Variants in FBRSL1 observed in about 807,000 individuals in gnomAD.
FBRSL1 encodes the protein fibrosin like 1, also known as fibrosin-1-like protein.
In FBRSL1, 51 loss-of-function variants were observed where a neutral mutation model predicts 89.6. The ratio of observed to expected loss-of-function variants is 0.57; its 90% confidence interval spans 0.45 to 0.72. The LOEUF is 0.72. Among genes scored for constraint, FBRSL1 ranks in the 30% least tolerant of loss-of-function variants. FBRSL1 has a pLI of 0.00. For missense variants in FBRSL1, 1,618 were observed against 1,451.8 expected, an observed-to-expected ratio of 1.11 and a Z score of -1.86; for synonymous variants, 779 against 681.1, an observed-to-expected ratio of 1.14 and a Z score of -2.24.
At chr12:132,576,979 G>C in intron 15 of FBRSL1, 48 bp downstream of exon 15, 4 of 1,524,102 alleles carry the variant, frequency 2.6e-6, no homozygotes, top group Non-Finnish European at 3.5e-6. Flanking sequence ...CCTCCCGCTC[G>C]TGCCCAGCTG....
At chr12:132,571,545 G>T in intron 9 of FBRSL1, 2 of 1,424,720 alleles carry the variant, frequency 1.4e-6, no homozygotes, top group Non-Finnish European at 9.2e-7. Context: ...CCGCGTGCTG[G>T]CAGGGGGCGG....
intron 15 of FBRSL1, chr12:132,581,187 A>AGCAG (rs3833799): frequency 0.13 from 130,276 of 985,218 alleles, 9,196 homozygotes; most frequent in African/African-American, 0.26. Context: ...CATCGCACTC[A>AGCAG]GCACCTCCCT....
intron 1 of FBRSL1, among the ~76,000 whole-genome samples, chr12:132,507,609 C>T (rs1178123194): frequency 2.0e-5 from 3 of 152,218 alleles, no homozygotes; most frequent in Admixed American, 1.3e-4. Context: ...AAGGTGAACA[C>T]GGGGAAGCAT....
chr12:132,509,476 C>T, intron 2 of FBRSL1: 1 of 1,240,206 alleles, frequency 8.1e-7, no homozygotes, highest in Non-Finnish European at 1.0e-6. Flanking sequence ...CTCTGCCAGC[C>T]CCAGCGGTCA....
At chr12:132,549,368 G>A (rs1317905826) in intron 5 of FBRSL1, among the ~76,000 whole-genome samples, 1 of 152,132 alleles carries the variant, frequency 6.6e-6, no homozygotes, top group African/African-American at 2.4e-5. Flanking sequence ...CCGGGACCCC[G>A]CGTGGCTCCG....
intron 5 of FBRSL1, among the ~76,000 whole-genome samples, chr12:132,562,669 A>G (rs2039233197): frequency 8.5e-6 from 1 of 118,104 alleles, no homozygotes; most frequent in Admixed American, 9.6e-5. Context: ...TAACACACGA[A>G]CGTGCGGGGC....
rs1187217342 is a variant in FBRSL1 at position 132,546,462 on chromosome 12, C to G, written c.616-1541C>G. The stretch of plus-strand genomic sequence containing the variant: ...CTACCTCTCACCCTGAAGGCCAGAC[C>G]GGGGGAACCCTAGGAGAGGGCTTGG... On this transcript the variant is annotated intron_variant, in intron 4 of 18. Coordinates refer to ENST00000680143, the MANE Select transcript of FBRSL1 (RefSeq NM_001367871.1). This position sits in a 1 kb window ranked among gnomAD's most constrained non-coding sequence, Gnocchi z 4.0. Among the ~76,000 whole-genome samples, 1 of 151,980 alleles carries G rather than the reference C, an allele frequency of 6.6e-6. No homozygotes were observed. The highest frequency in any genetic ancestry group is 1.5e-5 in the Non-Finnish European group (1 of 67,966).
intron 2 of FBRSL1, among the ~76,000 whole-genome samples, chr12:132,520,922 A>G (rs1385550947): frequency 6.6e-6 from 1 of 152,228 alleles, no homozygotes; most frequent in Non-Finnish European, 1.5e-5. Flanking sequence ...GCAGGAAACC[A>G]GGACCAGCTG....
At chr12:132,579,111 G>T (rs2040579021) in intron 15 of FBRSL1, among the ~76,000 whole-genome samples, 1 of 151,598 alleles carries the variant, frequency 6.6e-6, no homozygotes, top group African/African-American at 2.4e-5. Context: ...CATTTGTCCT[G>T]CGAGGCTGGG....
chr12:132,510,924 C>A, intron 2 of FBRSL1: 1 of 998,006 alleles, frequency 1.0e-6, no homozygotes, highest in Non-Finnish European at 1.2e-6. Flanking sequence ...CTGTGCGGAG[C>A]GCGTGAGCCT....
At chr12:132,545,666 C>T (rs1165514197) in intron 4 of FBRSL1, among the ~76,000 whole-genome samples, 2 of 152,210 alleles carry the variant, frequency 1.3e-5, no homozygotes, top group Admixed American at 6.5e-5. Flanking sequence ...CCATGGGTCT[C>T]GGGGCCAACC....
At chr12:132,536,567 T>G (rs2036764954) in intron 4 of FBRSL1, among the ~76,000 whole-genome samples, 1 of 151,750 alleles carries the variant, frequency 6.6e-6, no homozygotes, top group Non-Finnish European at 1.5e-5. Context: ...GTGTGTGCCA[T>G]GTGTACATCA....
intron 4 of FBRSL1, 94 bp downstream of exon 4, chr12:132,528,082 C>T (rs1223988119): frequency 3.5e-6 from 4 of 1,143,798 alleles, no homozygotes; most frequent in Non-Finnish European, 5.1e-6. Context: ...CAACTTAGCT[C>T]ACCCCAGTCC....
intron 1 of FBRSL1, among the ~76,000 whole-genome samples, chr12:132,500,785 GA>G (rs771903269): frequency 6.6e-6 from 1 of 152,094 alleles, no homozygotes; most frequent in Admixed American, 6.5e-5. Context: ...GTCCAGCCTG[GA>G]ACAGTCTGTG....
chr12:132,518,673 C>T (rs1214582369), intron 2 of FBRSL1, among the ~76,000 whole-genome samples: 4 of 151,002 alleles, frequency 2.6e-5, no homozygotes, highest in African/African-American at 9.7e-5. Context: ...CATCCATCCA[C>T]CCATCTGTCC....
intron 4 of FBRSL1, among the ~76,000 whole-genome samples, chr12:132,531,494 C>A (rs551355675): frequency 6.6e-6 from 1 of 152,106 alleles, no homozygotes; most frequent in East Asian, 1.9e-4. Flanking sequence ...CTGCATGGGG[C>A]TGTGCGTTGC....
chr12:132,546,540 C>T lies in FBRSL1; in HGVS notation c.616-1463C>T, dbSNP rs1195153812. On this transcript the variant is annotated intron_variant, in intron 4 of 18. Transcript: ENST00000680143. The surrounding 1 kb of genome is among the most constrained non-coding windows in gnomAD (Gnocchi z 4.0). ...ACCCTAGGAGAGGGCTTGGCCACGG[C>T]TGAAAGGCCAGACCGGGGGGACCCT... Among the ~76,000 whole-genome samples, 1 of 151,542 alleles carries T rather than the reference C, an allele frequency of 6.6e-6. No individual in the cohort carries two copies. The highest frequency in any genetic ancestry group is 2.4e-5 in the African/African-American group (1 of 41,204).
chr12:132,504,032 C>T (rs1245692184), intron 1 of FBRSL1, among the ~76,000 whole-genome samples: 3 of 152,152 alleles, frequency 2.0e-5, no homozygotes, highest in African/African-American at 7.2e-5. Context: ...CCAGGCCTGA[C>T]TTTGCCCAGG....
intron 1 of FBRSL1, among the ~76,000 whole-genome samples, chr12:132,494,847 C>T (rs935746081): frequency 3.9e-5 from 6 of 152,216 alleles, no homozygotes; most frequent in Non-Finnish European, 7.3e-5. Flanking sequence ...CGGTGGCCAG[C>T]GGTCTCCTCT....
Sources: gnomAD v4.1 joint callset for allele counts (sites outside exome capture counted in the v4.1 genomes callset) on GRCh38, gnomAD v4.1.1 for gene constraint, Gnocchi (gnomAD v3.1) non-coding constraint, MANE v1.5 for transcripts, NCBI Gene and HGNC (gene_info 2026-07-23, HGNC 2026-07-21) for gene names.